SBF2: variants seen among roughly 807,000 people sequenced by gnomAD.
SBF2 encodes myotubularin-related protein 13.
Under a neutral mutation model 225.2 loss-of-function variants are expected in SBF2, and 112 were observed. That is an observed-to-expected ratio of 0.50 (90% CI 0.43 to 0.58). The LOEUF is 0.58. Among genes scored for constraint, SBF2 ranks in the 20% least tolerant of loss-of-function variants. The probability of loss-of-function intolerance (pLI) is 0.00; values close to 1 mark genes in which losing one functional copy is unlikely to be tolerated. For synonymous variants in SBF2, 763 were observed against 773.3 expected (o/e 0.99, Z 0.22); for missense variants, 1,996 against 2,206.2 (o/e 0.90, Z 1.91).
chr11:9,923,044 G>T (rs940117608), intron 16 of SBF2, among the ~76,000 whole-genome samples: 3 of 151,990 alleles, frequency 2.0e-5, no homozygotes, highest in African/African-American at 7.2e-5. Flanking sequence ...TTGAATGCTG[G>T]GCAGACAGAG....
At chr11:10,268,387 A>G (rs1373687256) in intron 1 of SBF2, among the ~76,000 whole-genome samples, 1 of 152,202 alleles carries the variant, frequency 6.6e-6, no homozygotes, top group Non-Finnish European at 1.5e-5. Context: ...AAAAATAGAG[A>G]GATGTCAAGT....
intron 1 of SBF2, among the ~76,000 whole-genome samples, chr11:10,286,159 C>T (rs1963758644): frequency 8.7e-6 from 1 of 114,586 alleles, no homozygotes; most frequent in Non-Finnish European, 2.0e-5. Flanking sequence ...CACATAAACA[C>T]GCACACGCAC....
chr11:10,238,116 A>G (rs550268599), intron 1 of SBF2, among the ~76,000 whole-genome samples: 1 of 152,338 alleles, frequency 6.6e-6, no homozygotes, highest in Non-Finnish European at 1.5e-5. Flanking sequence ...ATTCAAAAAT[A>G]TAACATGGAG....
intron 2 of SBF2, among the ~76,000 whole-genome samples, chr11:10,174,391 A>T (rs1211464559): frequency 6.6e-6 from 1 of 152,280 alleles, no homozygotes; most frequent in South Asian, 2.1e-4. Context: ...TGACGCGATC[A>T]ACTGGAAGAA....
At chr11:10,228,324 G>T (rs1958670359) in intron 1 of SBF2, among the ~76,000 whole-genome samples, 2 of 152,210 alleles carry the variant, frequency 1.3e-5, no homozygotes, top group East Asian at 3.9e-4. Context: ...TCCTTCTCCT[G>T]CCTGATTGCC....
chr11:9,865,071 T>C (rs1027823329), intron 17 of SBF2, among the ~76,000 whole-genome samples: 1 of 152,132 alleles, frequency 6.6e-6, no homozygotes, highest in Non-Finnish European at 1.5e-5. Context: ...TTACCATGCC[T>C]GGCTAATTAT....
intron 2 of SBF2, among the ~76,000 whole-genome samples, chr11:10,161,291 CACA>C (rs1955725780): frequency 6.6e-6 from 1 of 151,550 alleles, no homozygotes; most frequent in Non-Finnish European, 1.5e-5. Context: ...GCATTCTTCC[CACA>C]ACAAGCTAAA....
At chr11:9,940,442 A>G (rs1437847400) in intron 16 of SBF2, among the ~76,000 whole-genome samples, 1 of 152,304 alleles carries the variant, frequency 6.6e-6, no homozygotes, top group African/African-American at 2.4e-5. Flanking sequence ...CTATGCTAAA[A>G]GATAGAAATG....
At chr11:9,987,367 G>A (rs767332996) in intron 13 of SBF2, among the ~76,000 whole-genome samples, 1 of 151,514 alleles carries the variant, frequency 6.6e-6, no homozygotes, top group East Asian at 1.9e-4. Flanking sequence ...ACTGGAACAA[G>A]TGCCCACTCT....
chr11:10,071,262 TC>T (rs1287139676), intron 2 of SBF2, among the ~76,000 whole-genome samples: 57 of 120,448 alleles, frequency 4.7e-4, no homozygotes, highest in African/African-American at 1.2e-3. Flanking sequence ...TTTCTCTCTC[TC>T]TCTTTTTTTT....
rs1861043965 is a variant in SBF2, at chr11:9,894,010, C to T, written c.1929+1933G>A. 1.3e-5 allele frequency among the ~76,000 whole-genome samples: 2 copies of T among 152,160 alleles called. 1 individual carries two copies. The highest frequency in any genetic ancestry group is 4.1e-4 in the South Asian group (2 of 4,832). ...ACTGTAATCGCAGCACTTTGTGAGG[C>T]CAAAGTGGGCAGACAGCTTGAGTCT... On this transcript the variant is annotated intron_variant, in intron 17 of 39. Transcript: ENST00000256190.
intron 17 of SBF2, among the ~76,000 whole-genome samples, chr11:9,891,156 A>T (rs556536648): frequency 6.6e-6 from 1 of 152,084 alleles, no homozygotes; most frequent in Non-Finnish European, 1.5e-5. Flanking sequence ...AAAAAGTTAA[A>T]TGGTGGCTTG....
chr11:9,919,270 C>CTT (rs779718076), intron 16 of SBF2, among the ~76,000 whole-genome samples: 5 of 139,904 alleles, frequency 3.6e-5, no homozygotes, highest in Non-Finnish European at 4.6e-5. Flanking sequence ...TCTTCTTCTT[C>CTT]TTTTTTTTTT....
intron 16 of SBF2, among the ~76,000 whole-genome samples, chr11:9,925,810 T>C (rs1249870212): frequency 6.6e-6 from 1 of 152,200 alleles, no homozygotes; most frequent in Non-Finnish European, 1.5e-5. Context: ...CTTCCCACAA[T>C]TGCCCTTTCC....
At chr11:9,861,093 C>T (rs926899514) in intron 17 of SBF2, among the ~76,000 whole-genome samples, 3 of 152,210 alleles carry the variant, frequency 2.0e-5, no homozygotes, top group African/African-American at 7.2e-5. Flanking sequence ...ATCATATTTA[C>T]TGGTTGAGCA....
intron 32 of SBF2, among the ~76,000 whole-genome samples, chr11:9,806,163 T>C (rs558821886): frequency 1.2e-4 from 18 of 152,354 alleles, no homozygotes; most frequent in African/African-American, 4.3e-4. Flanking sequence ...TTTAGTGCTA[T>C]AGATGTTATC....
chr11:9,970,257 A>G (rs533644627), intron 13 of SBF2, among the ~76,000 whole-genome samples: 117 of 150,754 alleles, frequency 7.8e-4, no homozygotes, highest in African/African-American at 2.7e-3. Flanking sequence ...CCCAGGCTGG[A>G]GGGCAGTGGC....
chr11:10,301,686 G>A (rs928348829), intron 1 of SBF2, among the ~76,000 whole-genome samples: 2 of 152,102 alleles, frequency 1.3e-5, no homozygotes, highest in African/African-American at 4.8e-5. Flanking sequence ...ACCTGAGTAT[G>A]GCCACTCTGG....
At chr11:10,208,443 T>A (rs1358255045) in intron 1 of SBF2, among the ~76,000 whole-genome samples, 2 of 152,080 alleles carry the variant, frequency 1.3e-5, no homozygotes, top group African/African-American at 4.8e-5. Flanking sequence ...ATGAGAAACC[T>A]CTTTCTGAAC....
Sources: allele counts gnomAD v4.1 joint callset (sites outside exome capture counted in the v4.1 genomes callset), GRCh38; gene constraint gnomAD v4.1.1; transcripts MANE v1.5; gene names NCBI Gene and HGNC (gene_info 2026-07-23, HGNC 2026-07-21).